ZNF331: variants seen among roughly 807,000 people sequenced by gnomAD.
ZNF331 encodes the protein C2H2-like zinc finger protein rearranged in thyroid adenomas.
ZNF331 carries 2 observed loss-of-function variants against 7.0 expected under a neutral mutation model. The ratio of observed to expected loss-of-function variants is 0.29; its 90% confidence interval spans 0.12 to 0.90. ZNF331 has a LOEUF of 0.90. Among genes scored for constraint, ZNF331 ranks in the 40% least tolerant of loss-of-function variants. The pLI is 0.58. For synonymous variants in ZNF331, 196 were observed against 205.4 expected (o/e 0.95, Z 0.39); for missense variants, 432 against 587.7 (o/e 0.74, Z 2.74).
rs1399113338 is a variant in ZNF331 at position 53,577,698 on chromosome 19, G to A, written c.1138G>A (p.Glu380Lys). 4.3e-6 allele frequency: 7 copies of A among 1,614,058 alleles called. No individual in the cohort carries two copies. Among genetic ancestry groups the A allele is most frequent in the East Asian group, 2.2e-5 (1 of 44,878 alleles). Residue 380 changes from glutamate to lysine, a missense_variant, in exon 6 of 6, where the codon GAA becomes AAA. Transcript: ENST00000449416. ...LTQHERIHTG[E>K]TPYKCKECGK... The stretch of plus-strand genomic sequence containing the variant: ...TCAGCACGAGAGAATCCACACAGGC[G>A]AAACCCCGTATAAATGTAAGGAGTG...
upstream of ZNF331, chr19:53,537,632 C>T (rs887181314): frequency 1.8e-4 from 27 of 152,336 alleles, no homozygotes; most frequent in African/African-American, 6.5e-4. Flanking sequence ...TCCCAGAGAC[C>T]ATCCAGGAGT....
intron 2 of ZNF331, among the ~76,000 whole-genome samples, chr19:53,553,511 C>T (rs1158264330): frequency 6.6e-6 from 1 of 152,162 alleles, no homozygotes; most frequent in East Asian, 1.9e-4. Context: ...ACAAGATAAT[C>T]TCCAAACATC....
rs78844064 is a variant in ZNF331 at position 53,538,226 on chromosome 19, G to T, written c.-275G>T. ...CGGGTGCACGCGAGCGTCATTGGGG[G>T]CGATGGGGGCCGTGCTGGGTGCGCG... is the stretch of plus-strand genomic sequence containing the variant. On this transcript the variant is annotated 5_prime_UTR_variant, in exon 1 of 6. Transcript: ENST00000449416. The T allele has an allele frequency of 6.6e-6, 1 of 152,424 alleles. No individual in the cohort carries two copies. The highest frequency in any genetic ancestry group is 1.5e-5 in the Non-Finnish European group (1 of 68,152). 9.4% of individuals were successfully genotyped at this position (152,424 alleles called of 1,614,324 possible).
the ZNF331 span, among the ~76,000 whole-genome samples, chr19:53,504,931 A>G: frequency 6.6e-6 from 1 of 151,952 alleles, no homozygotes; most frequent in Non-Finnish European, 1.5e-5. Flanking sequence ...AAATTCCTCC[A>G]CTCTCTAACC....
chr19:53,544,498 T>TTG (rs1231198278), intron 2 of ZNF331, among the ~76,000 whole-genome samples: 2 of 141,192 alleles, frequency 1.4e-5, no homozygotes, highest in Non-Finnish European at 3.0e-5. Context: ...TGAGCCGAGA[T>TTG]CACGCCACTG....
At chr19:53,556,455 T>C (rs1179818460) in intron 3 of ZNF331, among the ~76,000 whole-genome samples, 1 of 151,844 alleles carries the variant, frequency 6.6e-6, no homozygotes, top group Admixed American at 6.6e-5. Context: ...CAAAGTACCA[T>C]AGACTGTGTG....
the ZNF331 span, among the ~76,000 whole-genome samples, chr19:53,512,853 T>C: frequency 6.7e-6 from 1 of 149,972 alleles, no homozygotes; most frequent in African/African-American, 2.4e-5. Context: ...TGCCTGATGA[T>C]CTCAGGTGGA....
At chr19:53,505,803 G>A in the ZNF331 span, among the ~76,000 whole-genome samples, 2 of 151,800 alleles carry the variant, frequency 1.3e-5, no homozygotes, top group Non-Finnish European at 2.9e-5. Context: ...TGGCCAACAT[G>A]GTGAAACCCC....
chr19:53,552,475 T>C (rs2089071390), intron 2 of ZNF331, among the ~76,000 whole-genome samples: 1 of 151,922 alleles, frequency 6.6e-6, no homozygotes, highest in Non-Finnish European at 1.5e-5. Flanking sequence ...TCCCAGCACT[T>C]TGGGAGGCCA....
chr19:53,573,091 C>T lies in ZNF331; in HGVS notation c.136+1361C>T, dbSNP rs1418677450. 2.6e-5 allele frequency among the ~76,000 whole-genome samples: 4 copies of T among 151,758 alleles called. No homozygotes were observed. The highest frequency in any genetic ancestry group is 1.3e-4 in the Admixed American group (2 of 15,198). ...AAAATTAGCCGGGCATGGTGGCGCA[C>T]GCCTGTGATCTCAGCTACTCCGGAG... On this transcript the variant is annotated intron_variant, in intron 5 of 5. Coordinates refer to ENST00000449416, the MANE Select transcript of ZNF331 (RefSeq NM_001079906.2). The surrounding 1 kb of genome is among the most constrained non-coding windows in gnomAD (Gnocchi z 4.2).
intron 2 of ZNF331, among the ~76,000 whole-genome samples, chr19:53,524,268 G>T (rs1031024116): frequency 2.0e-5 from 3 of 152,066 alleles, no homozygotes; most frequent in African/African-American, 2.4e-5. Flanking sequence ...TAATCTTTTG[G>T]GTATATACCC....
upstream of ZNF331, among the ~76,000 whole-genome samples, chr19:53,536,047 G>A (rs913081498): frequency 2.1e-4 from 32 of 151,988 alleles, no homozygotes; most frequent in African/African-American, 7.3e-4. Context: ...CAAGTGATCC[G>A]CTCACCTTGG....
chr19:53,562,032 C>G (rs556500213), intron 3 of ZNF331, among the ~76,000 whole-genome samples: 1 of 152,230 alleles, frequency 6.6e-6, no homozygotes, highest in South Asian at 2.1e-4. Context: ...CCTGTAATCC[C>G]AGGTACTTGG....
chr19:53,514,744 G>A (rs113672826), upstream of ZNF331, among the ~76,000 whole-genome samples: 7 of 142,486 alleles, frequency 4.9e-5, no homozygotes, highest in East Asian at 2.1e-4. Flanking sequence ...TCCGCCTCCC[G>A]GGTTCACGCC....
rs1450123086 is a variant in ZNF331, at chr19:53,578,138, C to T, written c.*186C>T. ...CTCTCGCTGTCCGGCTCCAGCCGGC[C>T]GGGGATGTGAGTCATCCCTTGGTCC... On this transcript the variant is annotated 3_prime_UTR_variant, in exon 6 of 6. Transcript: ENST00000449416. The T allele has an allele frequency of 8.9e-6, 7 of 783,184 alleles. No homozygotes were observed. The highest frequency in any genetic ancestry group is 8.5e-5 in the East Asian group (3 of 35,240). The allele number at this position is 783,184 out of a possible 1,614,324, so 48.5% of individuals were successfully genotyped here. A position where few individuals can be genotyped will look rare whatever the true frequency, so the allele number is the denominator to read the frequency against.
the ZNF331 span, among the ~76,000 whole-genome samples, chr19:53,509,880 C>T: frequency 8.0e-4 from 122 of 152,266 alleles, 1 homozygote; most frequent in African/African-American, 2.8e-3. Context: ...AACTTACAGT[C>T]ATGGCAGAAG....
chr19:53,556,971 CTTTTTTTTTTTTTTT>C (rs59869542), intron 3 of ZNF331, among the ~76,000 whole-genome samples: 9 of 69,588 alleles, frequency 1.3e-4, no homozygotes, highest in Admixed American at 1.7e-4. Flanking sequence ...ACACCTGGCT[CTTTTTTTTTTTTTTT>C]TTTTTTTTTT....
intron 2 of ZNF331, among the ~76,000 whole-genome samples, chr19:53,543,811 A>G (rs770612434): frequency 6.6e-6 from 1 of 152,246 alleles, no homozygotes; most frequent in Non-Finnish European, 1.5e-5. Flanking sequence ...GCTAACTGCC[A>G]GGGTTCAGAT....
At position 53,559,764 on chromosome 19, in the gene ZNF331, A is replaced by G. The variant is rs948655844; in HGVS notation, c.-74+3856A>G. 1.7e-4 allele frequency among the ~76,000 whole-genome samples: 17 copies of G among 102,978 alleles called. 1 individual carries two copies. In the South Asian group the frequency reaches 4.6e-3, roughly 28 times the overall value. The allele number at this position is 102,978 out of a possible 152,430, so 67.6% of individuals were successfully genotyped here. Reference sequence around the variant, plus strand: ...ATACACCATACGCACATGCACACACATACCCATATATACATATATATATAC... The same window carrying G: ...ATACACCATACGCACATGCACACACGTACCCATATATACATATATATATAC... On this transcript the variant is annotated intron_variant, in intron 3 of 5. Transcript: ENST00000449416.
Sources: allele counts gnomAD v4.1 joint callset (sites outside exome capture counted in the v4.1 genomes callset), GRCh38; gene constraint gnomAD v4.1.1; non-coding constraint Gnocchi (gnomAD v3.1); transcripts MANE v1.5; gene names NCBI Gene and HGNC (gene_info 2026-07-23, HGNC 2026-07-21).